Variants in EMC8 observed in about 807,000 individuals in gnomAD.
EMC8 encodes COX4 neighbor.
A neutral mutation model predicts 24.3 loss-of-function variants in EMC8; 11 were observed. That is an observed-to-expected ratio of 0.45 (90% CI 0.28 to 0.75). EMC8 has a LOEUF of 0.75. EMC8 is among the 30% of genes least tolerant of loss of function. The probability of loss-of-function intolerance (pLI) is 0.12; values close to 1 mark genes in which losing one functional copy is unlikely to be tolerated. For synonymous variants in EMC8, 145 were observed against 117.7 expected, an observed-to-expected ratio of 1.23 and a Z score of -1.50; for missense variants, 277 against 282.7, an observed-to-expected ratio of 0.98 and a Z score of 0.14.
intron 2 of EMC8, among the ~76,000 whole-genome samples, chr16:85,783,512 A>G (rs1037479985): frequency 7.9e-5 from 12 of 152,160 alleles, no homozygotes; most frequent in African/African-American, 2.9e-4. Context: ...AAATTTTCCT[A>G]AAACAGAACT....
At chr16:85,798,001 G>A (rs965822793) in intron 1 of EMC8, among the ~76,000 whole-genome samples, 1 of 151,630 alleles carries the variant, frequency 6.6e-6, no homozygotes, top group African/African-American at 2.4e-5. Flanking sequence ...TAGTCTACCT[G>A]CATGCTACAT....
At chr16:85,798,114 G>GTTTTTTT (rs1163747067) in intron 1 of EMC8, among the ~76,000 whole-genome samples, 11 of 72,150 alleles carry the variant, frequency 1.5e-4, no homozygotes, top group Admixed American at 2.3e-4. Flanking sequence ...ACAGAAATTC[G>GTTTTTTT]TTTTTTTTTT....
chr16:85,795,892 C>A (rs1340394251), intron 1 of EMC8, among the ~76,000 whole-genome samples: 1 of 152,174 alleles, frequency 6.6e-6, no homozygotes, highest in African/African-American at 2.4e-5. Context: ...AGTGTCAGAA[C>A]AGAATGCGGA....
chr16:85,792,114 T>C lies in EMC8; in HGVS notation c.232-3064A>G, dbSNP rs7200504. On this transcript the variant is annotated intron_variant, in intron 1 of 4. Transcript: ENST00000253457. ...GCTGAAGCCACCTGGTTAGGACTCA[T>C]AGCCCAGTAAACACATATGGTATCA... 3.8e-3 allele frequency among the ~76,000 whole-genome samples: 577 copies of C among 151,966 alleles called. 5 individuals are homozygous for C. Among genetic ancestry groups the C allele is most frequent in the African/African-American group, 0.012 (501 of 41,214 alleles).
chr16:85,798,753 C>G (rs959708101), intron 1 of EMC8: 7 of 340,252 alleles, frequency 2.1e-5, no homozygotes, highest in Non-Finnish European at 3.7e-5. Context: ...GAAACTCTGT[C>G]GAATCCCCAC....
At chr16:85,784,676 T>A (rs1353561752) in intron 2 of EMC8, 3 of 151,936 alleles carry the variant, frequency 2.0e-5, no homozygotes, top group Non-Finnish European at 2.9e-5. Context: ...GGGCGCCAGG[T>A]CCCCACAGCA....
intron 1 of EMC8, among the ~76,000 whole-genome samples, chr16:85,794,472 T>C (rs928177194): frequency 6.6e-6 from 1 of 152,148 alleles, no homozygotes; most frequent in East Asian, 1.9e-4. Context: ...GCGGACTGCC[T>C]GAGCTCAGGA....
At chr16:85,791,019 G>C (rs1490233767) in intron 1 of EMC8, among the ~76,000 whole-genome samples, 1 of 152,024 alleles carries the variant, frequency 6.6e-6, no homozygotes, top group Non-Finnish European at 1.5e-5. Context: ...TAGAGACAAA[G>C]GTTTCATCAT....
intron 2 of EMC8, 59 bp from the exon 3 acceptor site, chr16:85,781,339 G>A: frequency 6.2e-6 from 7 of 1,122,376 alleles, no homozygotes; most frequent in Non-Finnish European, 9.5e-6. Context: ...GTTTACAAAA[G>A]GCACAGTCAA....
At chr16:85,781,614 C>CTTTTT (rs10673082) in intron 2 of EMC8, 13 of 129,856 alleles carry the variant, frequency 1.0e-4, no homozygotes, top group South Asian at 3.2e-4. Flanking sequence ...TTTTTTTTTG[C>CTTTTT]TTTTTTTTTT....
At chr16:85,795,692 A>G (rs959209659) in intron 1 of EMC8, among the ~76,000 whole-genome samples, 2 of 152,136 alleles carry the variant, frequency 1.3e-5, no homozygotes, top group African/African-American at 4.8e-5. Flanking sequence ...TATCCTTTGC[A>G]GTGTCCTGTA....
intron 2 of EMC8, 140 bp downstream of exon 2, chr16:85,788,834 C>T (rs1904872552): frequency 8.7e-6 from 6 of 685,948 alleles, no homozygotes; most frequent in Admixed American, 2.5e-5. Context: ...CCACAGTTCG[C>T]CTCAAATACT....
In EMC8 at chr16:85,781,197, C is replaced by T. The variant is rs755132772; in HGVS notation, c.378+14G>A. ...GCGCAAGGGCCTCCCACATGCTGCA[C>T]AGAAGCGACTTACCATGATGAGCGC... On this transcript the variant is annotated intron_variant, in intron 3 of 4. Transcript: ENST00000253457. 2.5e-6 allele frequency: 4 copies of T among 1,610,138 alleles called. No homozygotes were observed. Among genetic ancestry groups the T allele is most frequent in the African/African-American group, 1.3e-5 (1 of 74,854 alleles).
rs760048051 is a variant in EMC8, at chr16:85,778,736, G to A, written c.*972C>T. The A allele has an allele frequency of 9.9e-5, 15 of 152,184 alleles. No homozygotes were observed. Among genetic ancestry groups the A allele is most frequent in the African/African-American group, 2.7e-4 (11 of 41,430 alleles). The allele number at this position is 152,184 out of a possible 1,614,324, so 9.4% of individuals were successfully genotyped here. A position where few individuals can be genotyped will look rare whatever the true frequency, so the allele number is the denominator to read the frequency against. On this transcript the variant is annotated 3_prime_UTR_variant, in exon 5 of 5. Coordinates refer to ENST00000253457, the MANE Select transcript of EMC8 (RefSeq NM_006067.5). ...CAAACCCTTTCAGGTCACACCGATC[G>A]TTACAAATTCCTCCATGGAGTCAAA...
At position 85,795,264 on chromosome 16, in the gene EMC8, G is replaced by A. The variant is rs546423641; in HGVS notation, c.231+3801C>T. Among the ~76,000 whole-genome samples the A allele has an allele frequency of 2.0e-5, 3 of 152,282 alleles. No individual in the cohort carries two copies. The East Asian group carries it at 5.8e-4, about 29-fold the overall frequency. On this transcript the variant is annotated intron_variant, in intron 1 of 4. Transcript: ENST00000253457. ...AGAAGTTTCTGACAGGATTTTACAT[G>A]GCCAGCAGCCACCACACCTTCTTCT...
chr16:85,788,955 G>C lies in EMC8; in HGVS notation c.308+19C>G, dbSNP rs2233453. The C allele has an allele frequency of 8.0e-3, 12,651 of 1,586,628 alleles. 888 individuals are homozygous for C. In the African/African-American group the frequency reaches 0.15, roughly 19 times the overall value. On this transcript the variant is annotated intron_variant, in intron 2 of 4. Coordinates refer to ENST00000253457, the MANE Select transcript of EMC8 (RefSeq NM_006067.5). ...ACGTGCTCACTTCCTCGCCCACAGA[G>C]GGTTCTGCATCCACGTACCTGGCAT...
chr16:85,796,639 C>T (rs1905251380), intron 1 of EMC8, among the ~76,000 whole-genome samples: 1 of 152,138 alleles, frequency 6.6e-6, no homozygotes. Flanking sequence ...CTTTACACTC[C>T]ATCCTATTGC....
chr16:85,792,235 A>G (rs1366076870), intron 1 of EMC8, among the ~76,000 whole-genome samples: 7 of 152,222 alleles, frequency 4.6e-5, no homozygotes, highest in Non-Finnish European at 1.0e-4. Context: ...TTGCCTGCTG[A>G]GGGACAAATT....
intron 1 of EMC8, among the ~76,000 whole-genome samples, chr16:85,793,266 C>T (rs911555498): frequency 1.2e-4 from 19 of 152,202 alleles, no homozygotes; most frequent in African/African-American, 4.3e-4. Flanking sequence ...AGGCAGGGAC[C>T]ACAACTTGCC....
Sources: allele counts gnomAD v4.1 joint callset (sites outside exome capture counted in the v4.1 genomes callset), GRCh38; gene constraint gnomAD v4.1.1; transcripts MANE v1.5; gene names NCBI Gene and HGNC (gene_info 2026-07-23, HGNC 2026-07-21).